NUMBL: variants seen among roughly 807,000 people sequenced by gnomAD.
NUMBL encodes NUMB like endocytic adaptor protein.
Under a neutral mutation model 48.9 loss-of-function variants are expected in NUMBL, and 20 were observed. That is an observed-to-expected ratio of 0.41 (90% CI 0.29 to 0.59). The LOEUF (loss-of-function observed/expected upper bound fraction) is 0.59, where lower values mean the gene tolerates loss of function less well. NUMBL is among the 20% of genes least tolerant of loss of function. The pLI, the probability that NUMBL is intolerant of heterozygous loss-of-function variation, is 0.31. For synonymous variants in NUMBL, 340 were observed against 348.7 expected, an observed-to-expected ratio of 0.98 and a Z score of 0.28; for missense variants, 660 against 846.2, an observed-to-expected ratio of 0.78 and a Z score of 2.73.
chr19:40,667,318 C>A lies in NUMBL; in HGVS notation c.*150G>T. ...CAACCTGGGCGTCACAATGTTGGTT[C>A]TGTAGTGGTTGTCGGGGTGGTTGAG... On this transcript the variant is annotated 3_prime_UTR_variant, in exon 10 of 10. Transcript: ENST00000252891. The surrounding 1 kb of genome is among the most constrained non-coding windows in gnomAD (Gnocchi z 6.1). The A allele has an allele frequency of 1.8e-6, 2 of 1,139,646 alleles. No homozygotes were observed. Among genetic ancestry groups the A allele is most frequent in the Non-Finnish European group, 2.4e-6 (2 of 823,236 alleles). The allele number at this position is 1,139,646 out of a possible 1,614,324, so 70.6% of individuals were successfully genotyped here.
In NUMBL at chr19:40,686,917, C is replaced by T; in HGVS notation, c.103G>A (p.Glu35Lys). The T allele has an allele frequency of 6.5e-7, 1 of 1,542,404 alleles. No homozygotes were observed. Among genetic ancestry groups the T allele is most frequent in the Non-Finnish European group, 8.8e-7 (1 of 1,139,116 alleles). The change falls in exon 2 of 10, where the codon GAG becomes AAG. Residue 35 changes from glutamate (E) to lysine (K), a missense_variant. Glu to Lys is a moderately conservative substitution (Grantham distance 56). Transcript: ENST00000252891. The part of the protein sequence containing the change: ...APGPPETCRT[E>K]PDGAGTMNKL... ...TCCCAGGCTGGTCGCTCACCTGGCT[C>T]CGTCCTGCAGGTTTCTGGGGGCCCC... is the stretch of plus-strand genomic sequence containing the variant.
Position 40,686,921 on chromosome 19 carries a change from C to A in NUMBL, c.99G>T (p.Arg33Ser). The A allele has an allele frequency of 6.5e-7, 1 of 1,543,882 alleles. No individual in the cohort carries two copies. The highest frequency in any genetic ancestry group is 8.8e-7 in the Non-Finnish European group (1 of 1,140,644). Residue 33 changes from arginine to serine, a missense_variant, in exon 2 of 10, where the codon AGG becomes AGT. This residue lies in a region of NUMBL where 86 missense variants were observed against 85.9 expected (regional missense o/e 1.00). Transcript: ENST00000252891. Reference sequence around the variant, plus strand: ...AGGCTGGTCGCTCACCTGGCTCCGTCCTGCAGGTTTCTGGGGGCCCCGGGG... The same window carrying A: ...AGGCTGGTCGCTCACCTGGCTCCGTACTGCAGGTTTCTGGGGGCCCCGGGG... Reference protein sequence around the residue: ...CGAPGPPETCRTEPDGAGTMN... With the variant: ...CGAPGPPETCSTEPDGAGTMN...
chr19:40,669,501 C>A (rs1241780690), intron 9 of NUMBL, among the ~76,000 whole-genome samples: 1 of 151,790 alleles, frequency 6.6e-6, no homozygotes, highest in African/African-American at 2.4e-5. Flanking sequence ...TAGGATGATC[C>A]CCTGGCTCTA....
chr19:40,681,240 A>T (rs1333756544), intron 5 of NUMBL, among the ~76,000 whole-genome samples, 183 bp from the exon 6 acceptor site: 1 of 152,094 alleles, frequency 6.6e-6, no homozygotes, highest in Non-Finnish European at 1.5e-5. Flanking sequence ...ACCCATCACG[A>T]GATGGGCAGC....
rs550246156 is a variant in NUMBL, at chr19:40,667,930, C to T, written c.1368G>A (p.Met456Ile). Reference protein sequence around the residue: ...QAASVAPVPTMPPALQPFPAP... With the variant: ...QAASVAPVPTIPPALQPFPAP... Reference sequence around the variant, plus strand: ...CGGGGAAAGGCTGCAGGGCAGGAGGCATGGTGGGCACTGGGGCCACTGAGG... The same window carrying T: ...CGGGGAAAGGCTGCAGGGCAGGAGGTATGGTGGGCACTGGGGCCACTGAGG... The change falls in exon 10 of 10, where the codon ATG becomes ATA. Residue 456 changes from methionine (M) to isoleucine (I), a missense_variant. Coordinates refer to ENST00000252891, the MANE Select transcript of NUMBL (RefSeq NM_004756.5). This position sits in a 1 kb window ranked among gnomAD's most constrained non-coding sequence, Gnocchi z 6.1. 3.1e-5 allele frequency: 48 copies of T among 1,569,072 alleles called. No homozygotes were observed. In the Middle Eastern group the frequency reaches 7.1e-4, roughly 23 times the overall value.
chr19:40,675,159 A>C (rs1288968044), intron 7 of NUMBL, among the ~76,000 whole-genome samples: 3 of 147,802 alleles, frequency 2.0e-5, no homozygotes, highest in Non-Finnish European at 4.5e-5. Context: ...AAAAAAAAAA[A>C]AAAAAAAAAA....
intron 2 of NUMBL, chr19:40,685,837 G>T (rs2081931444): frequency 2.0e-5 from 3 of 153,678 alleles, no homozygotes; most frequent in Middle Eastern, 3.4e-3. Flanking sequence ...GTGAGCCTGT[G>T]TGACTGTGGC....
At position 40,684,602 on chromosome 19, in the gene NUMBL, G is replaced by A. The variant is rs573373031; in HGVS notation, c.110-46C>T. 2.0e-5 allele frequency: 31 copies of A among 1,560,592 alleles called. 2 individuals are homozygous for A. The South Asian group carries it at 3.6e-4, about 18-fold the overall frequency. On this transcript the variant is annotated intron_variant, in intron 2 of 9. Transcript: ENST00000252891. ...TGTGGGTCAAGGGTGGGGGTCAGAA[G>A]GTATGGAGCTCAACGGGGAGGGACC...
intron 3 of NUMBL, among the ~76,000 whole-genome samples, chr19:40,683,770 G>A (rs1464029985): frequency 6.6e-6 from 1 of 151,470 alleles, no homozygotes; most frequent in Non-Finnish European, 1.5e-5. Flanking sequence ...ACAAAAAAAT[G>A]TGTTCTGGTT....
At chr19:40,669,556 C>G (rs1269242820) in intron 9 of NUMBL, among the ~76,000 whole-genome samples, 1 of 150,176 alleles carries the variant, frequency 6.7e-6, no homozygotes, top group African/African-American at 2.5e-5. Flanking sequence ...CTCAGATAAT[C>G]CCATGGTTCT....
intron 7 of NUMBL, among the ~76,000 whole-genome samples, chr19:40,676,504 A>G (rs895655481): frequency 9.9e-5 from 15 of 151,982 alleles, no homozygotes; most frequent in Admixed American, 9.8e-4. Flanking sequence ...GGCTCACCTG[A>G]GGTCAGGAGT....
rs2081806994 is a variant in NUMBL, at chr19:40,666,292, A to C, written c.*1176T>G. ...CCTCCTGGAATTACAGGCGCCTGCC[A>C]CCACGCCCGGCTAATTTTTGAATTT... On this transcript the variant is annotated 3_prime_UTR_variant, in exon 10 of 10. Transcript: ENST00000252891. 1 of 151,968 alleles carries C rather than the reference A, an allele frequency of 6.6e-6. No individual in the cohort carries two copies. The highest frequency in any genetic ancestry group is 2.4e-5 in the African/African-American group (1 of 41,352). 9.4% of individuals were successfully genotyped at this position (151,968 alleles called of 1,614,324 possible). A position where few individuals can be genotyped will look rare whatever the true frequency, so the allele number is the denominator to read the frequency against.
At position 40,667,946 on chromosome 19, in the gene NUMBL, G is replaced by C. The variant is rs2081822028; in HGVS notation, c.1352C>G (p.Ala451Gly). The part of the protein sequence containing the change: ...QQQQQQAASV[A>G]PVPTMPPALQ... The stretch of plus-strand genomic sequence containing the variant: ...GGCAGGAGGCATGGTGGGCACTGGG[G>C]CCACTGAGGCTGCTTGCTGCTGTTG... The change falls in exon 10 of 10, where the codon GCC becomes GGC. Residue 451 changes from alanine to glycine, a missense_variant. Ala to Gly is a moderately conservative substitution (Grantham distance 60). Transcript: ENST00000252891. The surrounding 1 kb of genome is among the most constrained non-coding windows in gnomAD (Gnocchi z 6.1). 6.4e-7 allele frequency: 1 copy of C among 1,567,126 alleles called. No individual in the cohort carries two copies. The highest frequency in any genetic ancestry group is 1.4e-5 in the African/African-American group (1 of 73,532).
chr19:40,677,947 G>A (rs2081886435), intron 6 of NUMBL, among the ~76,000 whole-genome samples: 1 of 152,148 alleles, frequency 6.6e-6, no homozygotes, highest in African/African-American at 2.4e-5. Context: ...GATATTGATA[G>A]GGGTTTCGTT....
chr19:40,675,064 A>T (rs1599905516), intron 7 of NUMBL, among the ~76,000 whole-genome samples: 1 of 138,166 alleles, frequency 7.2e-6, no homozygotes, highest in South Asian at 2.5e-4. Context: ...AATCGCTTGA[A>T]CCCGGGAGGC....
chr19:40,683,031 T>A, intron 3 of NUMBL, 63 bp from the exon 4 acceptor site: 1 of 1,377,060 alleles, frequency 7.3e-7, no homozygotes, highest in Non-Finnish European at 1.0e-6. Flanking sequence ...ATTCTCAGTG[T>A]CCACTGAGCA....
At chr19:40,685,671 G>A (rs1453932616) in intron 2 of NUMBL, 1 of 153,698 alleles carries the variant, frequency 6.5e-6, no homozygotes, top group Non-Finnish European at 1.5e-5. Context: ...TGTTTGAGAT[G>A]AGGCTGTCGT....
In NUMBL at chr19:40,670,784, TGA is replaced by T. The variant is rs1568427015; in HGVS notation, c.1037-766_1037-765del. Among the ~76,000 whole-genome samples, 6 of 152,232 alleles carry T rather than the reference TGA, an allele frequency of 3.9e-5. No homozygotes were observed. In the East Asian group the frequency reaches 1.2e-3, roughly 29 times the overall value. ...TTCGTCCAAACAGGAATGCAGCTTC[TGA>T]GAGTGTGACTGGGGTCCGGGTGTGT... On this transcript the variant is annotated intron_variant, in intron 8 of 9. Coordinates refer to ENST00000252891, the MANE Select transcript of NUMBL (RefSeq NM_004756.5).
intron 7 of NUMBL, among the ~76,000 whole-genome samples, chr19:40,674,848 C>T (rs755905430): frequency 7.9e-5 from 12 of 152,220 alleles, no homozygotes; most frequent in Non-Finnish European, 1.6e-4. Context: ...TGGAATCCAA[C>T]AAAAGCATGC....
Sources: gnomAD v4.1 joint callset for allele counts (sites outside exome capture counted in the v4.1 genomes callset) on GRCh38, gnomAD v4.1.1 for gene constraint, gnomAD v4.1.1 regional missense constraint, Gnocchi (gnomAD v3.1) non-coding constraint, MANE v1.5 for transcripts, NCBI Gene and HGNC (gene_info 2026-07-23, HGNC 2026-07-21) for gene names.